COL14A1: variants seen among roughly 807,000 people sequenced by gnomAD.
COL14A1 encodes the protein collagen alpha-1(XIV) chain.
COL14A1 carries 136 observed loss-of-function variants against 230.3 expected under a neutral mutation model. The ratio of observed to expected loss-of-function variants is 0.59; its 90% CI spans 0.51 to 0.68. The LOEUF (loss-of-function observed/expected upper bound fraction) is 0.68. Ranked by LOEUF, COL14A1 falls within the 30% of genes least tolerant of loss-of-function variation. COL14A1 has a pLI of 0.00. For synonymous variants in COL14A1, 792 were observed against 784.1 expected (o/e 1.01, Z -0.17); for missense variants, 1,976 against 2,215.8 (o/e 0.89, Z 2.17).
intron 18 of COL14A1, 126 bp from the exon 19 acceptor site, chr8:120,231,341 C>T: frequency 1.0e-6 from 1 of 991,360 alleles, no homozygotes; most frequent in Admixed American, 2.7e-5. Context: ...CTTCTTGCCT[C>T]ATATACAACT....
At chr8:120,236,378 T>C (rs184795827) in intron 19 of COL14A1, among the ~76,000 whole-genome samples, 5 of 152,312 alleles carry the variant, frequency 3.3e-5, no homozygotes, top group African/African-American at 9.6e-5. Context: ...AATGCCCTTC[T>C]TTGTCTTTTT....
chr8:120,298,598 TATATATATATATATA>T, intron 35 of COL14A1, among the ~76,000 whole-genome samples: 1 of 3,700 alleles, frequency 2.7e-4, no homozygotes, highest in East Asian at 3.5e-3. Flanking sequence ...CCATATATTT[TATATATATATATATA>T]TATATATATA....
intron 13 of COL14A1, among the ~76,000 whole-genome samples, chr8:120,213,309 G>C (rs578198723): frequency 6.6e-6 from 1 of 152,022 alleles, no homozygotes; most frequent in African/African-American, 2.4e-5. Flanking sequence ...GGCTCTATTC[G>C]TGATCTTTTG....
rs1453190863 is a variant in COL14A1 at position 120,246,086 on chromosome 8, C to G, written c.2480-1527C>G. On this transcript the variant is annotated intron_variant, in intron 20 of 47. Coordinates refer to ENST00000297848, the MANE Select transcript of COL14A1 (RefSeq NM_021110.4). ...TGGTGTCAAGGGCTGAATTATGTACCTGGGCACCGAAGTGTGGAGTTTTCA... is the reference window on the plus strand; with the variant it reads ...TGGTGTCAAGGGCTGAATTATGTACGTGGGCACCGAAGTGTGGAGTTTTCA... Among the ~76,000 whole-genome samples, 3 of 152,134 alleles carry G rather than the reference C, an allele frequency of 2.0e-5. No homozygotes were observed. The East Asian group carries it at 5.8e-4, about 29-fold the overall frequency.
chr8:120,281,394 CA>C (rs1364118242), intron 31 of COL14A1, among the ~76,000 whole-genome samples: 1 of 151,640 alleles, frequency 6.6e-6, no homozygotes, highest in Non-Finnish European at 1.5e-5. Flanking sequence ...AGAGTCTCTA[CA>C]AAAACATAAA....
At chr8:120,181,526 T>C (rs1299392312) in intron 5 of COL14A1, among the ~76,000 whole-genome samples, 3 of 152,212 alleles carry the variant, frequency 2.0e-5, no homozygotes, top group Non-Finnish European at 4.4e-5. Context: ...ATTAATTATT[T>C]TATCTGTTAA....
intron 38 of COL14A1, among the ~76,000 whole-genome samples, chr8:120,314,428 CATG>C (rs1359938697): frequency 6.6e-6 from 1 of 152,112 alleles, no homozygotes; most frequent in Non-Finnish European, 1.5e-5. Context: ...GCCATTTATT[CATG>C]ATCCTTATCT....
At chr8:120,336,265 A>G (rs1253003980) in intron 42 of COL14A1, among the ~76,000 whole-genome samples, 1 of 152,148 alleles carries the variant, frequency 6.6e-6, no homozygotes, top group African/African-American at 2.4e-5. Flanking sequence ...AGAGACCCCT[A>G]AGCTGAGGGG....
At chr8:120,230,073 G>C (rs1314976528) in intron 18 of COL14A1, among the ~76,000 whole-genome samples, 1 of 152,008 alleles carries the variant, frequency 6.6e-6, no homozygotes, top group Non-Finnish European at 1.5e-5. Context: ...GTAGAGATGA[G>C]GTCTTTCCAT....
At chr8:120,185,515 A>T (rs531941034) in intron 5 of COL14A1, among the ~76,000 whole-genome samples, 364 of 151,910 alleles carry the variant, frequency 2.4e-3, no homozygotes, top group Non-Finnish European at 3.9e-3. Context: ...CAAACAAACA[A>T]ACATTAACTG....
chr8:120,169,616 A>G (rs900857164), intron 5 of COL14A1, among the ~76,000 whole-genome samples: 1 of 151,880 alleles, frequency 6.6e-6, no homozygotes, highest in Non-Finnish European at 1.5e-5. Flanking sequence ...ATTTTTGCAA[A>G]TATTTTCTCC....
At chr8:120,284,353 A>G (rs1820129624) in intron 32 of COL14A1, among the ~76,000 whole-genome samples, 1 of 152,188 alleles carries the variant, frequency 6.6e-6, no homozygotes, top group South Asian at 2.1e-4. Flanking sequence ...AAACGTGAGG[A>G]AGAACCAATG....
In COL14A1 at chr8:120,199,521, C is replaced by T. The variant is rs756750999; in HGVS notation, c.832C>T (p.Pro278Ser). 6.2e-7 allele frequency: 1 copy of T among 1,613,084 alleles called. No homozygotes were observed. The highest frequency in any genetic ancestry group is 8.5e-7 in the Non-Finnish European group (1 of 1,179,586). ...AAAATCCCAAGATGACATTATTCCA[C>T]CATCTAGAAATCTTCGTGAGTCTGG... ...DGKSQDDIIP[P>S]SRNLRESGVE... The change falls in exon 8 of 48, where the codon CCA becomes TCA. Residue 278 changes from proline (P) to serine (S), a missense_variant. Pro to Ser is a moderately conservative substitution (Grantham distance 74, BLOSUM62 -1). This residue lies in a region of COL14A1 where 1,791 missense variants were observed against 2,019.5 expected (regional missense o/e 0.89). Transcript: ENST00000297848.
intron 5 of COL14A1, among the ~76,000 whole-genome samples, chr8:120,195,353 A>G (rs1023089167): frequency 4.6e-5 from 7 of 152,272 alleles, no homozygotes; most frequent in African/African-American, 1.4e-4. Context: ...CAGCAAGAAT[A>G]AAAAGGATAC....
chr8:120,225,951 T>C (rs1371143343), intron 15 of COL14A1, among the ~76,000 whole-genome samples: 2 of 151,938 alleles, frequency 1.3e-5, no homozygotes, highest in Non-Finnish European at 2.9e-5. Context: ...CTAATTCTAG[T>C]TGGGATTCTC....
intron 33 of COL14A1, among the ~76,000 whole-genome samples, chr8:120,288,984 C>T (rs144506116): frequency 6.2e-4 from 95 of 152,200 alleles, no homozygotes; most frequent in African/African-American, 2.2e-3. Context: ...ACAGATTTTA[C>T]GAGTCCTTAC....
intron 5 of COL14A1, among the ~76,000 whole-genome samples, chr8:120,181,461 G>T (rs1469437769): frequency 1.3e-5 from 2 of 152,104 alleles, no homozygotes; most frequent in Non-Finnish European, 2.9e-5. Context: ...ACTCTCAATG[G>T]GAGTGACATC....
chr8:120,227,183 A>G, intron 16 of COL14A1, 37 bp from the exon 17 acceptor site: 1 of 1,600,400 alleles, frequency 6.2e-7, no homozygotes, highest in South Asian at 1.1e-5. Context: ...TTTTTTTTCA[A>G]ATAAGCATAG....
chr8:120,262,893 G>T lies in COL14A1; in HGVS notation c.2895G>T (p.Val965=), dbSNP rs116743592. ...LQDRQKQEST[V]GGGTTRHCFY... is the part of the protein sequence containing the mutation. ...ATAGGCAAAAGCAAGAATCCACTGT[G>T]GGTGGAGGGACAACCAGGCATTGCT... The change falls in exon 24 of 48, where the codon GTG becomes GTT. Residue 965 remains valine (V), a synonymous_variant. Transcript: ENST00000297848. 42 of 1,612,842 alleles carry T rather than the reference G, an allele frequency of 2.6e-5. No individual in the cohort carries two copies. In the East Asian group the frequency reaches 9.4e-4, roughly 36 times the overall value.
Sources: gnomAD v4.1 joint callset for allele counts (sites outside exome capture counted in the v4.1 genomes callset) on GRCh38, gnomAD v4.1.1 for gene constraint, gnomAD v4.1.1 regional missense constraint, MANE v1.5 for transcripts, NCBI Gene and HGNC (gene_info 2026-07-23, HGNC 2026-07-21) for gene names.